CDK14: variants seen among roughly 807,000 people sequenced by gnomAD.
The protein encoded by CDK14 is cyclin-dependent kinase 14.
CDK14 carries 34 observed loss-of-function variants against 60.7 expected under a neutral mutation model. The ratio of observed to expected loss-of-function variants is 0.56; its 90% CI spans 0.43 to 0.75. The LOEUF is 0.75. Among genes scored for constraint, CDK14 ranks in the 30% least tolerant of loss-of-function variants. CDK14 has a pLI of 0.00. For missense variants in CDK14, 482 were observed against 564.1 expected (o/e 0.85, Z 1.47); for synonymous variants, 197 against 203.7 (o/e 0.97, Z 0.28).
At chr7:90,679,296 C>T (rs1480971083) in intron 2 of CDK14, among the ~76,000 whole-genome samples, 2 of 152,126 alleles carry the variant, frequency 1.3e-5, no homozygotes, top group African/African-American at 4.8e-5. Flanking sequence ...GTGTGATTGG[C>T]TTAAACTGTA....
chr7:90,806,818 A>G (rs929467507), intron 5 of CDK14, among the ~76,000 whole-genome samples: 2 of 152,232 alleles, frequency 1.3e-5, no homozygotes, highest in Non-Finnish European at 1.5e-5. Flanking sequence ...CCAGGAGATT[A>G]TATCCCGTGC....
intron 14 of CDK14, among the ~76,000 whole-genome samples, chr7:91,153,345 G>C (rs990649750): frequency 2.0e-5 from 3 of 152,134 alleles, no homozygotes; most frequent in Non-Finnish European, 2.9e-5. Flanking sequence ...TCCTCAAGGA[G>C]CTAAAAGCAG....
chr7:91,182,370 GT>G (rs909763346), intron 14 of CDK14, among the ~76,000 whole-genome samples: 74 of 150,732 alleles, frequency 4.9e-4, no homozygotes, highest in African/African-American at 1.3e-3. Context: ...AGATAGATAG[GT>G]TTTTTTTTCT....
chr7:91,194,130 C>A (rs887490670), intron 14 of CDK14, among the ~76,000 whole-genome samples: 1 of 152,104 alleles, frequency 6.6e-6, no homozygotes, highest in Non-Finnish European at 1.5e-5. Flanking sequence ...TACAAATCAA[C>A]CTGGTAGAAT....
intron 14 of CDK14, among the ~76,000 whole-genome samples, chr7:91,179,270 C>T (rs1167026033): frequency 1.0e-4 from 15 of 146,918 alleles, no homozygotes; most frequent in African/African-American, 2.5e-4. Context: ...AACCAAACCC[C>T]GCATATTCTC....
intron 2 of CDK14, among the ~76,000 whole-genome samples, chr7:90,628,812 C>A (rs1276649659): frequency 6.6e-6 from 1 of 151,958 alleles, no homozygotes; most frequent in Non-Finnish European, 1.5e-5. Flanking sequence ...TGCACTCCAG[C>A]CTTGGCGACA....
intron 2 of CDK14, among the ~76,000 whole-genome samples, chr7:90,616,995 A>C (rs1010039565): frequency 6.6e-6 from 1 of 152,092 alleles, no homozygotes; most frequent in Non-Finnish European, 1.5e-5. Flanking sequence ...TCAGCTTCAA[A>C]ACCTTACCTC....
chr7:90,950,106 T>G (rs766422461), intron 8 of CDK14, among the ~76,000 whole-genome samples: 4 of 152,220 alleles, frequency 2.6e-5, no homozygotes, highest in Admixed American at 6.5e-5. Flanking sequence ...ATTTTTGTTT[T>G]TTGAGACGGA....
At chr7:91,148,857 C>T (rs1294588593) in intron 14 of CDK14, among the ~76,000 whole-genome samples, 1 of 152,116 alleles carries the variant, frequency 6.6e-6, no homozygotes. Flanking sequence ...GATATACCTA[C>T]TGCCTGTAAG....
At chr7:90,898,210 C>T (rs1231538818) in intron 6 of CDK14, among the ~76,000 whole-genome samples, 1 of 152,094 alleles carries the variant, frequency 6.6e-6, no homozygotes. Context: ...AGTGGCATGT[C>T]TGGTTTTTTT....
chr7:90,615,923 T>C (rs564570641), intron 2 of CDK14, among the ~76,000 whole-genome samples: 15 of 152,294 alleles, frequency 9.8e-5, no homozygotes, highest in South Asian at 4.1e-4. Flanking sequence ...AGGGTTGTTA[T>C]TGGGGGTGTG....
intron 14 of CDK14, among the ~76,000 whole-genome samples, chr7:91,190,350 G>A (rs1802322582): frequency 6.6e-6 from 1 of 152,128 alleles, no homozygotes; most frequent in Non-Finnish European, 1.5e-5. Context: ...AGGGAAGCTG[G>A]GAAAGACATT....
chr7:91,096,809 AT>A (rs1053358975), intron 12 of CDK14, among the ~76,000 whole-genome samples: 1 of 152,198 alleles, frequency 6.6e-6, no homozygotes, highest in African/African-American at 2.4e-5. Flanking sequence ...AGTCGAGTGC[AT>A]CACTAGGCCT....
intron 2 of CDK14, among the ~76,000 whole-genome samples, chr7:90,706,490 G>A (rs1028655677): frequency 2.6e-5 from 4 of 152,144 alleles, no homozygotes; most frequent in African/African-American, 4.8e-5. Flanking sequence ...GAGAACAAAC[G>A]AGAAGTCCAT....
At chr7:91,080,059 C>T (rs1257582676) in intron 12 of CDK14, among the ~76,000 whole-genome samples, 1 of 152,154 alleles carries the variant, frequency 6.6e-6, no homozygotes, top group East Asian at 1.9e-4. Flanking sequence ...ACTTTTATTG[C>T]AAGCCAATGT....
chr7:90,650,419 T>C (rs1349079530), intron 2 of CDK14, among the ~76,000 whole-genome samples: 1 of 152,194 alleles, frequency 6.6e-6, no homozygotes, highest in African/African-American at 2.4e-5. Context: ...GCCTTTTCAC[T>C]CTGATGGTAG....
rs193301751 is a variant in CDK14, at chr7:90,930,250, A to G, written c.826+12526A>G. The stretch of plus-strand genomic sequence containing the variant: ...TGTAATTGTCAGTAAAAAAAAATGC[A>G]TAGATTGCCAAAATGTATGATTTGA... On this transcript the variant is annotated intron_variant, in intron 8 of 14. Coordinates refer to ENST00000380050, the MANE Select transcript of CDK14 (RefSeq NM_001287135.2). Among the ~76,000 whole-genome samples, 171 of 152,306 alleles carry G rather than the reference A, an allele frequency of 1.1e-3. 1 individual carries two copies. Among genetic ancestry groups the G allele is most frequent in the African/African-American group, 4.0e-3 (167 of 41,564 alleles).
At chr7:91,060,687 G>A (rs1265327517) in intron 11 of CDK14, among the ~76,000 whole-genome samples, 1 of 152,092 alleles carries the variant, frequency 6.6e-6, no homozygotes, top group Non-Finnish European at 1.5e-5. Context: ...ATGAAATTCT[G>A]GTTTGAAAAT....
chr7:90,619,036 CTGTT>C (rs1195875439), intron 2 of CDK14, among the ~76,000 whole-genome samples: 20 of 152,184 alleles, frequency 1.3e-4, no homozygotes, highest in Non-Finnish European at 4.4e-5. Flanking sequence ...GCCCTTCCCA[CTGTT>C]TGTTTGGGAA....
Sources: gnomAD v4.1 joint callset for allele counts (sites outside exome capture counted in the v4.1 genomes callset) on GRCh38, gnomAD v4.1.1 for gene constraint, MANE v1.5 for transcripts, NCBI Gene and HGNC (gene_info 2026-07-23, HGNC 2026-07-21) for gene names.